The following ATF1 variants were observed in gnomAD, a reference collection of about 807,000 sequenced individuals.
ATF1 encodes activating transcription factor 1.
ATF1 carries 16 observed loss-of-function variants against 34.7 expected under a neutral mutation model. The observed-to-expected ratio is 0.46, with a 90% CI of 0.31 to 0.70. The LOEUF (loss-of-function observed/expected upper bound fraction) is 0.70. Ranked by LOEUF, ATF1 falls within the 30% of genes least tolerant of loss-of-function variation. ATF1 has a pLI of 0.05. For missense variants in ATF1, 255 were observed against 321.6 expected, an observed-to-expected ratio of 0.79 and a Z score of 1.58; for synonymous variants, 105 against 113.1, an observed-to-expected ratio of 0.93 and a Z score of 0.46.
intron 2 of ATF1, among the ~76,000 whole-genome samples, chr12:50,784,431 C>G (rs999614663): frequency 3.9e-5 from 6 of 152,050 alleles, no homozygotes; most frequent in African/African-American, 1.4e-4. Flanking sequence ...AATACTTGTT[C>G]AATTATATGG....
chr12:50,803,366 G>A (rs531089763), intron 3 of ATF1, among the ~76,000 whole-genome samples: 2 of 151,728 alleles, frequency 1.3e-5, no homozygotes, highest in East Asian at 3.9e-4. Context: ...ATCGTTAAGG[G>A]AATTGCAAAT....
At chr12:50,796,814 G>C (rs1941417137) in intron 3 of ATF1, among the ~76,000 whole-genome samples, 1 of 152,016 alleles carries the variant, frequency 6.6e-6, no homozygotes, top group African/African-American at 2.4e-5. Context: ...TCCTAGAAGA[G>C]AACATAGGCG....
intron 1 of ATF1, among the ~76,000 whole-genome samples, chr12:50,774,220 A>G (rs1240420543): frequency 6.6e-6 from 1 of 151,934 alleles, no homozygotes; most frequent in African/African-American, 2.4e-5. Flanking sequence ...TATTTAGTAG[A>G]GACGGGGTTT....
chr12:50,766,351 T>C (rs979001241), intron 1 of ATF1, among the ~76,000 whole-genome samples: 6 of 152,116 alleles, frequency 3.9e-5, no homozygotes, highest in Non-Finnish European at 5.9e-5. Context: ...CTCAGGTAAC[T>C]CCCTCTCAGC....
intron 6 of ATF1, among the ~76,000 whole-genome samples, chr12:50,816,719 C>G (rs1037880903): frequency 6.6e-5 from 10 of 151,884 alleles, no homozygotes; most frequent in Admixed American, 3.9e-4. Flanking sequence ...ATAGGGAGAC[C>G]CCATCTCTAA....
At chr12:50,802,537 A>G (rs910391280) in intron 3 of ATF1, among the ~76,000 whole-genome samples, 1 of 152,108 alleles carries the variant, frequency 6.6e-6, no homozygotes. Context: ...AAAAGAATAC[A>G]TATACTGGAA....
At position 50,820,108 on chromosome 12, in the gene ATF1, T is replaced by A. The variant is rs568669177; in HGVS notation, c.*329T>A. 2.1e-4 allele frequency: 53 copies of A among 253,518 alleles called. No homozygotes were observed. The highest frequency in any genetic ancestry group is 1.3e-3 in the Middle Eastern group (1 of 800). 15.7% of individuals were successfully genotyped at this position (253,518 alleles called of 1,614,324 possible). A position where few individuals can be genotyped will look rare whatever the true frequency, so the allele number is the denominator to read the frequency against. Reference sequence around the variant, plus strand: ...GAAATTTGATAAACTGAATTTTTTTTAAAAATCCATTTACCCTACAGGTTT... The same window carrying A: ...GAAATTTGATAAACTGAATTTTTTTAAAAAATCCATTTACCCTACAGGTTT... On this transcript the variant is annotated 3_prime_UTR_variant, in exon 7 of 7. Transcript: ENST00000262053.
intron 1 of ATF1, among the ~76,000 whole-genome samples, chr12:50,769,056 A>G (rs1940708510): frequency 6.6e-6 from 1 of 152,220 alleles, no homozygotes; most frequent in Non-Finnish European, 1.5e-5. Context: ...CAAAAGTAAA[A>G]GTCGCTAAAA....
intron 1 of ATF1, among the ~76,000 whole-genome samples, chr12:50,767,063 G>A (rs1402843849): frequency 6.6e-6 from 1 of 152,204 alleles, no homozygotes; most frequent in East Asian, 1.9e-4. Flanking sequence ...TTTATGATAC[G>A]GCTTGGCCCC....
intron 1 of ATF1, among the ~76,000 whole-genome samples, chr12:50,777,615 A>G (rs1019383041): frequency 1.3e-5 from 2 of 149,662 alleles, no homozygotes; most frequent in African/African-American, 5.1e-5. Context: ...ATCTGTACAG[A>G]AAAGACCCCC....
At chr12:50,794,725 G>A (rs1174608357) in intron 2 of ATF1, among the ~76,000 whole-genome samples, 2 of 151,666 alleles carry the variant, frequency 1.3e-5, no homozygotes, top group African/African-American at 2.4e-5. Context: ...TTTGACACCA[G>A]CCAGGGTAAC....
At chr12:50,813,236 G>T (rs1223326529) in intron 4 of ATF1, among the ~76,000 whole-genome samples, 1 of 152,042 alleles carries the variant, frequency 6.6e-6, no homozygotes, top group Non-Finnish European at 1.5e-5. Flanking sequence ...CTTTATTAGT[G>T]ATTTTCACTA....
At chr12:50,801,891 A>G (rs1242592228) in intron 3 of ATF1, among the ~76,000 whole-genome samples, 1 of 152,060 alleles carries the variant, frequency 6.6e-6, no homozygotes, top group Non-Finnish European at 1.5e-5. Context: ...ATCCCCTCTC[A>G]CCACTTCTAA....
At chr12:50,765,961 T>C (rs1054192791) in intron 1 of ATF1, among the ~76,000 whole-genome samples, 2 of 152,202 alleles carry the variant, frequency 1.3e-5, no homozygotes, top group African/African-American at 4.8e-5. Context: ...AGCCGTTCTT[T>C]TTATTCCTTT....
chr12:50,766,129 AC>A (rs1244677562), intron 1 of ATF1, among the ~76,000 whole-genome samples: 3 of 152,090 alleles, frequency 2.0e-5, no homozygotes, highest in Non-Finnish European at 2.9e-5. Flanking sequence ...AGAAACCCTG[AC>A]CCAACGGCTA....
intron 3 of ATF1, among the ~76,000 whole-genome samples, chr12:50,809,034 G>A (rs1278800128): frequency 6.6e-6 from 1 of 152,060 alleles, no homozygotes; most frequent in African/African-American, 2.4e-5. Flanking sequence ...CACCATGACT[G>A]GCCCGATTAT....
chr12:50,794,164 A>C (rs1397467152), intron 2 of ATF1, among the ~76,000 whole-genome samples: 1 of 151,040 alleles, frequency 6.6e-6, no homozygotes, highest in African/African-American at 2.4e-5. Flanking sequence ...GTTAGCCAGG[A>C]TGTTCTCAAT....
intron 3 of ATF1, among the ~76,000 whole-genome samples, chr12:50,805,692 G>A (rs1941602966): frequency 2.0e-5 from 3 of 151,804 alleles, no homozygotes; most frequent in South Asian, 2.1e-4. Context: ...GTTCTTTCCA[G>A]TGTGGTTCTT....
chr12:50,769,114 A>C (rs947381178), intron 1 of ATF1, among the ~76,000 whole-genome samples: 3 of 152,224 alleles, frequency 2.0e-5, no homozygotes, highest in African/African-American at 4.8e-5. Flanking sequence ...ACAGTTTTAC[A>C]TGTAAGGTGT....
Sources: allele counts gnomAD v4.1 joint callset (sites outside exome capture counted in the v4.1 genomes callset), GRCh38; gene constraint gnomAD v4.1.1; transcripts MANE v1.5; gene names NCBI Gene and HGNC (gene_info 2026-07-23, HGNC 2026-07-21).